USH2A: variants seen among roughly 807,000 people sequenced by gnomAD.
USH2A encodes the protein usherin.
In USH2A, 443 loss-of-function variants were observed where a neutral mutation model predicts 538.9. That is an observed-to-expected ratio of 0.82 (90% CI 0.76 to 0.89). The LOEUF (loss-of-function observed/expected upper bound fraction) is 0.89. Among genes scored for constraint, USH2A ranks in the 40% least tolerant of loss-of-function variants. The probability of loss-of-function intolerance (pLI) is 0.00; values close to 1 mark genes in which losing one functional copy is unlikely to be tolerated. For synonymous variants in USH2A, 2,413 were observed against 2,273.5 expected (o/e 1.06, Z -1.75); for missense variants, 6,633 against 6,324.8 (o/e 1.05, Z -1.65).
intron 61 of USH2A, among the ~76,000 whole-genome samples, chr1:215,684,968 C>T (rs1452733578): frequency 6.6e-6 from 1 of 151,982 alleles, no homozygotes; most frequent in African/African-American, 2.4e-5. Flanking sequence ...AGTTGAACTG[C>T]CGAGATCCTT....
At chr1:215,823,149 T>C (rs1445462065) in intron 47 of USH2A, among the ~76,000 whole-genome samples, 2 of 152,076 alleles carry the variant, frequency 1.3e-5, no homozygotes, top group Non-Finnish European at 1.5e-5. Flanking sequence ...TACTTTCAAA[T>C]GTTTTCTTTC....
At chr1:216,112,834 T>A (rs2102587114) in intron 21 of USH2A, among the ~76,000 whole-genome samples, 1 of 152,224 alleles carries the variant, frequency 6.6e-6, no homozygotes, top group African/African-American at 2.4e-5. Flanking sequence ...ATGTACCACA[T>A]TTTCTTTATC....
intron 11 of USH2A, among the ~76,000 whole-genome samples, chr1:216,281,840 T>A (rs942098296): frequency 1.4e-5 from 2 of 147,272 alleles, no homozygotes; most frequent in South Asian, 2.2e-4. Flanking sequence ...TTTCTCCACA[T>A]CCTCACCAAA....
At chr1:215,897,594 CAGA>C (rs1665381803) in intron 40 of USH2A, among the ~76,000 whole-genome samples, 1 of 151,910 alleles carries the variant, frequency 6.6e-6, no homozygotes, top group South Asian at 2.1e-4. Flanking sequence ...GAGGCTAAGG[CAGA>C]AGAATTGCTT....
At chr1:215,941,307 C>CTA (rs1258150042) in intron 37 of USH2A, among the ~76,000 whole-genome samples, 3 of 151,976 alleles carry the variant, frequency 2.0e-5, no homozygotes, top group South Asian at 2.1e-4. Flanking sequence ...GTACAGTTCA[C>CTA]TATATATATG....
intron 21 of USH2A, among the ~76,000 whole-genome samples, chr1:216,159,182 A>G (rs2034006098): frequency 6.6e-6 from 1 of 152,102 alleles, no homozygotes; most frequent in East Asian, 1.9e-4. Flanking sequence ...ATACTTATTT[A>G]TTTTATTGCT....
At chr1:216,414,241 T>A (rs1418436927) in intron 3 of USH2A, among the ~76,000 whole-genome samples, 1 of 152,066 alleles carries the variant, frequency 6.6e-6, no homozygotes, top group Admixed American at 6.6e-5. Flanking sequence ...TGATATAATT[T>A]GAAATAGCCA....
At chr1:215,715,115 G>A (rs1659447435) in intron 61 of USH2A, among the ~76,000 whole-genome samples, 2 of 152,146 alleles carry the variant, frequency 1.3e-5, no homozygotes, top group African/African-American at 4.8e-5. Context: ...ACATGCATTA[G>A]CTACTTATCC....
intron 14 of USH2A, among the ~76,000 whole-genome samples, chr1:216,221,321 G>A (rs1264016259): frequency 6.6e-6 from 1 of 152,176 alleles, no homozygotes; most frequent in East Asian, 1.9e-4. Context: ...TCAGTTCACA[G>A]AATTCGGTGA....
chr1:216,101,851 A>T (rs554034030), intron 21 of USH2A, among the ~76,000 whole-genome samples: 1 of 152,358 alleles, frequency 6.6e-6, no homozygotes, highest in African/African-American at 2.4e-5. Context: ...TATACATGAG[A>T]TGTGTAAAAT....
rs561380290 is a variant in USH2A at position 216,134,319 on chromosome 1, T to C, written c.4628-37106A>G. 2.0e-5 allele frequency among the ~76,000 whole-genome samples: 3 copies of C among 152,142 alleles called. No homozygotes were observed. In the South Asian group the frequency reaches 6.2e-4, roughly 32 times the overall value. ...AGAGGGAATTCACACATGAAACCCTTCGAGAATATATCCCAATACACATGG... is the reference window on the plus strand; with the variant it reads ...AGAGGGAATTCACACATGAAACCCTCCGAGAATATATCCCAATACACATGG... On this transcript the variant is annotated intron_variant, in intron 21 of 71. Transcript: ENST00000307340.
chr1:216,061,893 T>G (rs1335387370), intron 30 of USH2A, among the ~76,000 whole-genome samples: 1 of 152,156 alleles, frequency 6.6e-6, no homozygotes, highest in African/African-American at 2.4e-5. Context: ...GCTGAAACTG[T>G]AGGGTGGCTG....
Position 216,061,280 on chromosome 1 carries a change from C to T in USH2A, c.6049+8821G>A, listed in dbSNP as rs376802535. On this transcript the variant is annotated intron_variant, in intron 30 of 71. Transcript: ENST00000307340. ...TATTCATTTTTAATAATTTTCTTTG[C>T]TTTTACCTTCTGCTTTTTGTAAGTC... Among the ~76,000 whole-genome samples, 37 of 152,314 alleles carry T rather than the reference C, an allele frequency of 2.4e-4. No individual in the cohort carries two copies. In the South Asian group the frequency reaches 7.0e-3, roughly 29 times the overall value.
intron 3 of USH2A, among the ~76,000 whole-genome samples, chr1:216,404,093 G>A (rs1196242210): frequency 6.6e-6 from 1 of 151,996 alleles, no homozygotes; most frequent in Non-Finnish European, 1.5e-5. Flanking sequence ...TTATAGCAGG[G>A]TGAGAACAGA....
At chr1:216,256,403 ACT>A (rs1180434661) in intron 11 of USH2A, among the ~76,000 whole-genome samples, 4 of 148,674 alleles carry the variant, frequency 2.7e-5, no homozygotes, top group African/African-American at 9.9e-5. Flanking sequence ...ATTAGTTATA[ACT>A]CTTTGTTTTA....
chr1:215,629,008 ACC>A lies in USH2A; in HGVS notation c.15323_15324del (p.Arg5108LeufsTer69). ...CTGCGGATACTCACAGGTGTCCCAG[ACC>A]GGGGAATTTTGGTATCGGCTAACCC... ...HMGLADTKIP[R>X]SGTPVSIRSN... On this transcript the variant is annotated frameshift_variant, in exon 71 of 72. Transcript: ENST00000307340. LOFTEE classifies it high-confidence loss of function. 1 of 1,613,402 alleles carries A rather than the reference ACC, an allele frequency of 6.2e-7. No individual in the cohort carries two copies. The highest frequency in any genetic ancestry group is 8.5e-7 in the Non-Finnish European group (1 of 1,180,034).
intron 20 of USH2A, among the ~76,000 whole-genome samples, chr1:216,188,320 C>T (rs1348402814): frequency 6.6e-6 from 1 of 151,796 alleles, no homozygotes; most frequent in Non-Finnish European, 1.5e-5. Flanking sequence ...CATGATCCAG[C>T]TAGTTTCTAG....
At chr1:215,729,788 G>A (rs1261940961) in intron 60 of USH2A, among the ~76,000 whole-genome samples, 9 of 152,076 alleles carry the variant, frequency 5.9e-5, no homozygotes, top group Non-Finnish European at 1.2e-4. Flanking sequence ...GTGCTACTAG[G>A]CCTGGCTAAC....
At chr1:216,167,375 C>T (rs75351439) in intron 21 of USH2A, among the ~76,000 whole-genome samples, 7,693 of 152,206 alleles carry the variant, frequency 0.051, 280 homozygotes, top group Middle Eastern at 0.11. Context: ...GACGGGTGAT[C>T]AGCAGCTTCC....
Sources: gnomAD v4.1 joint callset for allele counts (sites outside exome capture counted in the v4.1 genomes callset) on GRCh38, gnomAD v4.1.1 for gene constraint, MANE v1.5 for transcripts, NCBI Gene and HGNC (gene_info 2026-07-23, HGNC 2026-07-21) for gene names.